Variants in PCDHA1 observed in about 807,000 individuals in gnomAD.
PCDHA1 encodes protocadherin alpha-1.
In PCDHA1, 42 loss-of-function variants were observed where a neutral mutation model predicts 61.3. The ratio of observed to expected loss-of-function variants is 0.69; its 90% CI spans 0.54 to 0.89. The LOEUF is 0.89. Among genes scored for constraint, PCDHA1 ranks in the 40% least tolerant of loss-of-function variants. PCDHA1 has a pLI of 0.00. For missense variants in PCDHA1, 1,256 were observed against 1,235.3 expected, an observed-to-expected ratio of 1.02 and a Z score of -0.25; for synonymous variants, 610 against 553.8, an observed-to-expected ratio of 1.10 and a Z score of -1.43.
chr5:140,844,369 C>G (rs1345474134), intron 1 of PCDHA1, among the ~76,000 whole-genome samples: 1 of 149,206 alleles, frequency 6.7e-6, no homozygotes, highest in Admixed American at 6.7e-5. Context: ...GATTTGTAAT[C>G]CTTCTTTTAA....
At chr5:140,805,601 A>G (rs116256026) in intron 1 of PCDHA1, 17,168 of 921,444 alleles carry the variant, frequency 0.019, 175 homozygotes, top group Non-Finnish European at 0.02. Context: ...TTTATATATT[A>G]AATTTCTTTA....
chr5:140,802,823 G>A, intron 1 of PCDHA1: 2 of 1,613,590 alleles, frequency 1.2e-6, no homozygotes, highest in Non-Finnish European at 1.7e-6. Flanking sequence ...ATGCGGGCGT[G>A]CCGCCTCTGG....
chr5:140,955,397 A>G (rs1470827673), intron 1 of PCDHA1, among the ~76,000 whole-genome samples: 1 of 152,130 alleles, frequency 6.6e-6, no homozygotes, highest in Non-Finnish European at 1.5e-5. Context: ...CAATTATCCC[A>G]TACAGTTCTC....
chr5:140,905,880 A>C (rs1485985374), intron 1 of PCDHA1, among the ~76,000 whole-genome samples: 1 of 152,172 alleles, frequency 6.6e-6, no homozygotes, highest in Non-Finnish European at 1.5e-5. Context: ...AGGCCCAACA[A>C]TAGGCCATCT....
At chr5:140,872,997 A>G (rs1391702817) in intron 1 of PCDHA1, among the ~76,000 whole-genome samples, 2 of 152,104 alleles carry the variant, frequency 1.3e-5, no homozygotes, top group East Asian at 3.9e-4. Flanking sequence ...TTTACTTCTG[A>G]GTCATTCTTC....
Position 140,786,193 on chromosome 5 carries a change from G to C in PCDHA1, c.-98G>C. The C allele has an allele frequency of 6.9e-7, 1 of 1,456,176 alleles. No homozygotes were observed. The highest frequency in any genetic ancestry group is 9.2e-7 in the Non-Finnish European group (1 of 1,083,568). The allele number at this position is 1,456,176 out of a possible 1,614,324, so 90.2% of individuals were successfully genotyped here. A position where few individuals can be genotyped will look rare whatever the true frequency, so the allele number is the denominator to read the frequency against. The stretch of plus-strand genomic sequence containing the variant: ...TCCATTTTGTCACCGCCTGAGAGAA[G>C]ACAGAAACGGTAAAGAGATAAATGA... On this transcript the variant is annotated 5_prime_UTR_variant, in exon 1 of 4. Transcript: ENST00000504120.
At chr5:140,850,806 G>A (rs1359393363) in intron 1 of PCDHA1, 2 of 1,598,276 alleles carry the variant, frequency 1.3e-6, no homozygotes, top group Non-Finnish European at 1.7e-6. Flanking sequence ...CGACCTCATG[G>A]CCTTCAGCCC....
chr5:140,978,440 T>C, intron 1 of PCDHA1, among the ~76,000 whole-genome samples: 1 of 152,244 alleles, frequency 6.6e-6, no homozygotes. Context: ...GCTGGTGTTA[T>C]GACTGGGCAC....
At chr5:140,923,306 C>A (rs572766829) in intron 1 of PCDHA1, among the ~76,000 whole-genome samples, 1 of 152,216 alleles carries the variant, frequency 6.6e-6, no homozygotes, top group South Asian at 2.1e-4. Context: ...GGCGTGGGGG[C>A]GCTTGGCCTA....
chr5:140,866,646 A>G (rs2049474250), intron 1 of PCDHA1: 1 of 152,112 alleles, frequency 6.6e-6, no homozygotes, highest in Admixed American at 6.5e-5. Context: ...GTCAAAATTT[A>G]TTTATGTGTT....
At chr5:140,862,566 T>G in intron 1 of PCDHA1, 4 of 478,186 alleles carry the variant, frequency 8.4e-6, no homozygotes, top group South Asian at 4.9e-5. Context: ...TGAACCACAA[T>G]GCCCTGGCGT....
intron 1 of PCDHA1, chr5:140,813,911 A>T (rs1765400735): frequency 6.6e-6 from 1 of 152,288 alleles, no homozygotes; most frequent in East Asian, 1.9e-4. Context: ...AAGTGGGAGG[A>T]TCCTTGACTT....
rs1486746921 is a variant in PCDHA1 at position 141,009,728 on chromosome 5, G to A, written c.2644G>A (p.Gly882Ser). Residue 882 changes from glycine (G) to serine (S), a missense_variant, in exon 4 of 4, where the codon GGT becomes AGT. Gly to Ser is a moderately conservative substitution (Grantham distance 56). Coordinates refer to ENST00000504120, the MANE Select transcript of PCDHA1 (RefSeq NM_018900.4). The part of the protein sequence containing the change: ...GPGNPKQSGP[G>S]ELPDKFIIPG... ...AGGCAACCCCAAACAATCCGGTCCC[G>A]GTGAGTTGCCCGACAAATTCATTAT... The A allele has an allele frequency of 3.1e-6, 5 of 1,613,998 alleles. No homozygotes were observed. The highest frequency in any genetic ancestry group is 2.2e-5 in the East Asian group (1 of 44,874).
At chr5:140,917,690 G>C (rs2078307385) in intron 1 of PCDHA1, among the ~76,000 whole-genome samples, 1 of 152,108 alleles carries the variant, frequency 6.6e-6, no homozygotes, top group African/African-American at 2.4e-5. Context: ...TTTTGTTGAA[G>C]ATCAGATAAT....
intron 1 of PCDHA1, among the ~76,000 whole-genome samples, chr5:140,890,243 A>G (rs782339518): frequency 6.6e-6 from 1 of 152,130 alleles, no homozygotes; most frequent in Non-Finnish European, 1.5e-5. Context: ...ATTTACCAGT[A>G]CACTACTGCA....
At chr5:140,894,184 A>T (rs1411546476) in intron 1 of PCDHA1, among the ~76,000 whole-genome samples, 13 of 152,046 alleles carry the variant, frequency 8.6e-5, no homozygotes, top group African/African-American at 3.1e-4. Context: ...TTCCATAGTT[A>T]TATATTTTTT....
At chr5:140,872,804 A>G (rs918819226) in intron 1 of PCDHA1, among the ~76,000 whole-genome samples, 1 of 152,170 alleles carries the variant, frequency 6.6e-6, no homozygotes, top group Admixed American at 6.5e-5. Flanking sequence ...ATTCTTCCAT[A>G]AGTTTTTCAG....
intron 1 of PCDHA1, chr5:140,928,913 G>T (rs782438428): frequency 2.5e-6 from 4 of 1,614,132 alleles, no homozygotes; most frequent in Non-Finnish European, 2.5e-6. Flanking sequence ...TGGGAACCAG[G>T]AGGGCAGCTT....
In PCDHA1 at chr5:141,009,991, T is replaced by G. The variant is rs929729966; in HGVS notation, c.*54T>G. Reference sequence around the variant, plus strand: ...CCAGTTTTTGTAATAATGGCAAATCTCTCCCATGTAGCAATTCCCTGCTCC... The same window carrying G: ...CCAGTTTTTGTAATAATGGCAAATCGCTCCCATGTAGCAATTCCCTGCTCC... On this transcript the variant is annotated 3_prime_UTR_variant, in exon 4 of 4. Coordinates refer to ENST00000504120, the MANE Select transcript of PCDHA1 (RefSeq NM_018900.4). 13 of 1,578,088 alleles carry G rather than the reference T, an allele frequency of 8.2e-6. No individual in the cohort carries two copies. In the East Asian group the frequency reaches 2.5e-4, roughly 30 times the overall value.
Sources: gnomAD v4.1 joint callset for allele counts (sites outside exome capture counted in the v4.1 genomes callset) on GRCh38, gnomAD v4.1.1 for gene constraint, MANE v1.5 for transcripts, NCBI Gene and HGNC (gene_info 2026-07-23, HGNC 2026-07-21) for gene names.